NR3C2: variants seen among roughly 807,000 people sequenced by gnomAD.
NR3C2 encodes the protein nuclear receptor subfamily 3 group C member 2, also known as mineralocorticoid receptor.
In NR3C2, 15 loss-of-function variants were observed where a neutral mutation model predicts 86.4. That is an observed-to-expected ratio of 0.17 (90% CI 0.12 to 0.27). NR3C2 has a LOEUF of 0.27. Ranked by LOEUF, NR3C2 falls within the 10% of genes least tolerant of loss-of-function variation. NR3C2 has a pLI of 1.00. For missense variants in NR3C2, 960 were observed against 1,195.6 expected, an observed-to-expected ratio of 0.80 and a Z score of 2.91; for synonymous variants, 458 against 450.5, an observed-to-expected ratio of 1.02 and a Z score of -0.21.
At chr4:148,267,362 C>T (rs1442677822) in intron 2 of NR3C2, among the ~76,000 whole-genome samples, 2 of 151,366 alleles carry the variant, frequency 1.3e-5, no homozygotes, top group East Asian at 3.9e-4. Flanking sequence ...TCCTGGGATC[C>T]TCCACCTCAG....
intron 2 of NR3C2, among the ~76,000 whole-genome samples, chr4:148,370,101 G>T (rs1746342649): frequency 6.6e-6 from 1 of 152,174 alleles, no homozygotes. Flanking sequence ...GTCCCATAGG[G>T]ATAGATGGCC....
intron 6 of NR3C2, among the ~76,000 whole-genome samples, chr4:148,126,742 T>C (rs1007006781): frequency 6.6e-6 from 1 of 152,222 alleles, no homozygotes; most frequent in Non-Finnish European, 1.5e-5. Flanking sequence ...CTTTGTGAGG[T>C]ATTAACTAAA....
At chr4:148,094,150 C>T (rs1385807023) in intron 8 of NR3C2, among the ~76,000 whole-genome samples, 2 of 152,088 alleles carry the variant, frequency 1.3e-5, no homozygotes, top group African/African-American at 2.4e-5. Context: ...AATGAGATAG[C>T]ATTTCACACC....
intron 2 of NR3C2, among the ~76,000 whole-genome samples, chr4:148,369,730 T>G (rs1032134830): frequency 6.6e-6 from 1 of 152,210 alleles, no homozygotes; most frequent in African/African-American, 2.4e-5. Flanking sequence ...GACATCTATG[T>G]GCCCCTCTGG....
At chr4:148,117,304 G>GC (rs1261550470) in intron 7 of NR3C2, among the ~76,000 whole-genome samples, 2 of 152,126 alleles carry the variant, frequency 1.3e-5, no homozygotes, top group Non-Finnish European at 2.9e-5. Context: ...TGAACTGCTG[G>GC]CCCCACCTCC....
intron 2 of NR3C2, among the ~76,000 whole-genome samples, chr4:148,293,742 C>T (rs1306755950): frequency 1.3e-5 from 2 of 152,166 alleles, no homozygotes; most frequent in Non-Finnish European, 2.9e-5. Context: ...ACTGAACTTT[C>T]TCACTGCTTC....
intron 2 of NR3C2, among the ~76,000 whole-genome samples, chr4:148,286,079 T>C (rs1417648006): frequency 2.6e-5 from 4 of 152,220 alleles, no homozygotes; most frequent in Non-Finnish European, 4.4e-5. Flanking sequence ...ATGTATTAAA[T>C]AGAAATAGTT....
chr4:148,436,898 G>T (rs748280720), intron 1 of NR3C2, 36 bp from the exon 2 acceptor site: 4 of 1,496,138 alleles, frequency 2.7e-6, no homozygotes, highest in South Asian at 1.2e-5. Context: ...ATTAGAGTCA[G>T]TTATAGCAAT....
intron 3 of NR3C2, among the ~76,000 whole-genome samples, chr4:148,247,477 A>G (rs1739373050): frequency 6.6e-6 from 1 of 152,112 alleles, no homozygotes; most frequent in Non-Finnish European, 1.5e-5. Context: ...CTTTTGTGCA[A>G]TTTGTATTGC....
intron 3 of NR3C2, among the ~76,000 whole-genome samples, chr4:148,244,882 A>C (rs1739242555): frequency 6.6e-6 from 1 of 152,318 alleles, no homozygotes; most frequent in Admixed American, 6.5e-5. Flanking sequence ...CTTCTACAAA[A>C]TAGTGTTATA....
At position 148,228,931 on chromosome 4, in the gene NR3C2, C is replaced by T. The variant is rs559981057; in HGVS notation, c.1897+31047G>A. Among the ~76,000 whole-genome samples, 6 of 152,208 alleles carry T rather than the reference C, an allele frequency of 3.9e-5. No homozygotes were observed. The East Asian group carries it at 7.7e-4, about 20-fold the overall frequency. Reference sequence around the variant, plus strand: ...TATCCGCAGGAAAGAAAGGCAAACTCCTGTATGATGCCTATAAAAGAGCTG... The same window carrying T: ...TATCCGCAGGAAAGAAAGGCAAACTTCTGTATGATGCCTATAAAAGAGCTG... On this transcript the variant is annotated intron_variant, in intron 3 of 8. Coordinates refer to ENST00000358102, the MANE Select transcript of NR3C2 (RefSeq NM_000901.5).
At chr4:148,386,966 ACCT>A (rs1307443740) in intron 2 of NR3C2, among the ~76,000 whole-genome samples, 2 of 152,028 alleles carry the variant, frequency 1.3e-5, no homozygotes, top group African/African-American at 4.8e-5. Context: ...TCTAGTCCTA[ACCT>A]CCTTTTTTCT....
intron 2 of NR3C2, among the ~76,000 whole-genome samples, chr4:148,348,191 T>A (rs181011034): frequency 6.6e-6 from 1 of 152,228 alleles, no homozygotes; most frequent in East Asian, 1.9e-4. Flanking sequence ...CAAGTCACAC[T>A]CTGTTTTGGT....
Position 148,322,869 on chromosome 4 carries a change from TCTC to T in NR3C2, c.1758-62755_1758-62753del, listed in dbSNP as rs1278143175. Among the ~76,000 whole-genome samples, 845 of 103,002 alleles carry T rather than the reference TCTC, an allele frequency of 8.2e-3. 23 individuals are homozygous for T. Among genetic ancestry groups the T allele is most frequent in the African/African-American group, 0.029 (779 of 27,198 alleles). 67.6% of individuals were successfully genotyped at this position (103,002 alleles called of 152,430 possible). A position where few individuals can be genotyped will look rare whatever the true frequency, so the allele number is the denominator to read the frequency against. ...GTAATTTGATCGTCTGAAGCCTTCT[TCTC>T]TGAGCTCGTCAAAGTCATTCTCCAT... On this transcript the variant is annotated intron_variant, in intron 2 of 8. Transcript: ENST00000358102.
intron 2 of NR3C2, among the ~76,000 whole-genome samples, chr4:148,378,883 C>A (rs1350102722): frequency 6.6e-6 from 1 of 151,998 alleles, no homozygotes; most frequent in Non-Finnish European, 1.5e-5. Flanking sequence ...ATACATTGCA[C>A]CATGATTTAG....
chr4:148,112,945 T>G (rs1359309250), intron 8 of NR3C2, among the ~76,000 whole-genome samples: 1 of 152,216 alleles, frequency 6.6e-6, no homozygotes, highest in Non-Finnish European at 1.5e-5. Context: ...TCTTACAGGA[T>G]GAACTTGGGC....
chr4:148,089,710 G>GT (rs1304782979), intron 8 of NR3C2, among the ~76,000 whole-genome samples: 1 of 152,082 alleles, frequency 6.6e-6, no homozygotes, highest in Non-Finnish European at 1.5e-5. Flanking sequence ...TTTCTGTTTT[G>GT]TTTTTTCTCA....
At chr4:148,422,822 C>T (rs1189994722) in intron 2 of NR3C2, among the ~76,000 whole-genome samples, 1 of 152,084 alleles carries the variant, frequency 6.6e-6, no homozygotes, top group East Asian at 1.9e-4. Flanking sequence ...CATTTTGGTA[C>T]TGAAATCATC....
intron 2 of NR3C2, among the ~76,000 whole-genome samples, chr4:148,299,316 C>CT (rs923021414): frequency 2.4e-4 from 36 of 152,008 alleles, no homozygotes; most frequent in African/African-American, 8.7e-4. Context: ...TTTTCTGAGG[C>CT]TTTTTGTCCT....
Sources: gnomAD v4.1 joint callset for allele counts (sites outside exome capture counted in the v4.1 genomes callset) on GRCh38, gnomAD v4.1.1 for gene constraint, MANE v1.5 for transcripts, NCBI Gene and HGNC (gene_info 2026-07-23, HGNC 2026-07-21) for gene names.